Variants in C12orf75 observed in about 807,000 individuals in gnomAD.
C12orf75 encodes overexpressed in colon carcinoma 1 protein.
Under a neutral mutation model 11.4 loss-of-function variants are expected in C12orf75, and 4 were observed. That is an observed-to-expected ratio of 0.35 (90% CI 0.17 to 0.80). The LOEUF (loss-of-function observed/expected upper bound fraction) is 0.80. C12orf75 is among the 30% of genes least tolerant of loss of function. C12orf75 has a pLI of 0.52. For missense variants in C12orf75, 89 were observed against 80.4 expected, an observed-to-expected ratio of 1.11 and a Z score of -0.41; for synonymous variants, 30 against 30.0, an observed-to-expected ratio of 1.00 and a Z score of 0.00.
intron 2 of C12orf75, among the ~76,000 whole-genome samples, chr12:105,364,656 T>A (rs911952871): frequency 7.2e-5 from 11 of 152,184 alleles, no homozygotes; most frequent in Admixed American, 1.3e-4. Context: ...TGCAGTCTGC[T>A]TTTTGCTCAA....
intron 2 of C12orf75, among the ~76,000 whole-genome samples, chr12:105,363,379 T>C (rs998910057): frequency 1.2e-4 from 19 of 152,316 alleles, no homozygotes; most frequent in Middle Eastern, 3.4e-3. Flanking sequence ...GACAGTCTTA[T>C]ACATGGGAGT....
intron 1 of C12orf75, among the ~76,000 whole-genome samples, chr12:105,335,636 T>A (rs1566135197): frequency 6.6e-6 from 1 of 151,948 alleles, no homozygotes; most frequent in African/African-American, 2.4e-5. Flanking sequence ...GGCTGTATCC[T>A]CAGCCTCTAG....
chr12:105,366,061 G>A (rs1230182040), intron 3 of C12orf75: 3 of 556,620 alleles, frequency 5.4e-6, no homozygotes, highest in African/African-American at 1.9e-5. Flanking sequence ...TGCATGTGGC[G>A]TGTGCTAATT....
chr12:105,345,468 TG>T (rs1892627063), intron 1 of C12orf75, among the ~76,000 whole-genome samples: 1 of 151,470 alleles, frequency 6.6e-6, no homozygotes, highest in Non-Finnish European at 1.5e-5. Flanking sequence ...CCAGCCTGGG[TG>T]GCAGCATAAG....
intron 5 of C12orf75, among the ~76,000 whole-genome samples, chr12:105,369,450 T>C (rs1592887143): frequency 6.6e-6 from 1 of 152,224 alleles, no homozygotes; most frequent in East Asian, 1.9e-4. Context: ...CTTATTTTTA[T>C]TTTTATTTTA....
intron 2 of C12orf75, among the ~76,000 whole-genome samples, chr12:105,350,717 T>C (rs1420319020): frequency 1.3e-5 from 2 of 152,228 alleles, no homozygotes; most frequent in East Asian, 3.8e-4. Context: ...TTACCCATTT[T>C]ATTGTGCTCT....
intron 2 of C12orf75, among the ~76,000 whole-genome samples, chr12:105,358,363 A>C (rs1892814115): frequency 6.6e-6 from 1 of 152,080 alleles, no homozygotes; most frequent in Admixed American, 6.5e-5. Context: ...AAAACCAAAA[A>C]ACATATATGT....
At position 105,342,815 on chromosome 12, in the gene C12orf75, A is replaced by G. The variant is rs78481958; in HGVS notation, c.47-5787A>G. On this transcript the variant is annotated intron_variant, in intron 1 of 5. Transcript: ENST00000443585. ...TCTGTGCCAGGAACCAGGGGCAAAG[A>G]CCAAATATCTTATGATGAAACTGCA... 8.7e-3 allele frequency among the ~76,000 whole-genome samples: 1,319 copies of G among 152,358 alleles called. 11 individuals are homozygous for G. Among genetic ancestry groups the G allele is most frequent in the Non-Finnish European group, 0.016 (1,085 of 68,022 alleles).
In C12orf75 at chr12:105,337,574, G is replaced by C. The variant is rs182271696; in HGVS notation, c.46+6637G>C. On this transcript the variant is annotated intron_variant, in intron 1 of 5. Coordinates refer to ENST00000443585, the MANE Select transcript of C12orf75 (RefSeq NM_001145199.2). ...GCAGTAAAGTCAGTTCCCAGGAAAGGGTTGGTTCTCAGAACCAGGTGGCAT... is the reference window on the plus strand; with the variant it reads ...GCAGTAAAGTCAGTTCCCAGGAAAGCGTTGGTTCTCAGAACCAGGTGGCAT... Among the ~76,000 whole-genome samples, 13 of 152,222 alleles carry C rather than the reference G, an allele frequency of 8.5e-5. No individual in the cohort carries two copies. In the East Asian group the frequency reaches 1.9e-3, roughly 23 times the overall value.
intron 1 of C12orf75, among the ~76,000 whole-genome samples, chr12:105,334,200 G>A (rs1023567790): frequency 6.6e-6 from 1 of 152,166 alleles, no homozygotes; most frequent in Non-Finnish European, 1.5e-5. Flanking sequence ...CTTACACATC[G>A]TCCACCCCTA....
intron 2 of C12orf75, among the ~76,000 whole-genome samples, chr12:105,348,872 A>C (rs1892675124): frequency 6.6e-6 from 1 of 152,102 alleles, no homozygotes; most frequent in South Asian, 2.1e-4. Flanking sequence ...GAAATGTTGA[A>C]TTGTGTTTTC....
At chr12:105,365,038 T>C (rs552394949) in intron 2 of C12orf75, among the ~76,000 whole-genome samples, 1 of 152,108 alleles carries the variant, frequency 6.6e-6, no homozygotes, top group East Asian at 1.9e-4. Context: ...GGTTTCAGCA[T>C]GTTGGCCAAG....
intron 2 of C12orf75, among the ~76,000 whole-genome samples, chr12:105,349,391 C>G (rs886241901): frequency 6.6e-6 from 1 of 152,188 alleles, no homozygotes; most frequent in African/African-American, 2.4e-5. Flanking sequence ...CTGGGGAGAG[C>G]AGGGCAGCCA....
At chr12:105,342,464 G>T (rs995177023) in intron 1 of C12orf75, among the ~76,000 whole-genome samples, 4 of 152,206 alleles carry the variant, frequency 2.6e-5, no homozygotes, top group Admixed American at 2.6e-4. Context: ...CCAGCCTCTA[G>T]ACTGTAAGAA....
At chr12:105,351,106 G>A (rs532106840) in intron 2 of C12orf75, among the ~76,000 whole-genome samples, 15 of 152,212 alleles carry the variant, frequency 9.9e-5, no homozygotes, top group South Asian at 4.1e-4. Flanking sequence ...ATTCAGGCAC[G>A]TTCAATTTTT....
At chr12:105,367,028 A>G (rs1209460999) in intron 4 of C12orf75, among the ~76,000 whole-genome samples, 1 of 152,246 alleles carries the variant, frequency 6.6e-6, no homozygotes, top group Non-Finnish European at 1.5e-5. Flanking sequence ...AATTTCTGTA[A>G]TATAAGATGA....
At chr12:105,360,663 AT>A (rs1451233487) in intron 2 of C12orf75, among the ~76,000 whole-genome samples, 1 of 152,128 alleles carries the variant, frequency 6.6e-6, no homozygotes, top group African/African-American at 2.4e-5. Context: ...TACAATTTTT[AT>A]TTTTTGAGAC....
chr12:105,332,182 A>G (rs1892437413), intron 1 of C12orf75, among the ~76,000 whole-genome samples: 1 of 152,108 alleles, frequency 6.6e-6, no homozygotes, highest in African/African-American at 2.4e-5. Context: ...CTTGTATGAA[A>G]CAATGTCAGG....
chr12:105,365,950 T>G (rs987489688), intron 3 of C12orf75, 108 bp downstream of exon 3: 5 of 790,304 alleles, frequency 6.3e-6, no homozygotes, highest in Middle Eastern at 2.2e-4. Flanking sequence ...CCAGGAAAAC[T>G]GTTGGCACAG....
Sources: allele counts gnomAD v4.1 joint callset (sites outside exome capture counted in the v4.1 genomes callset), GRCh38; gene constraint gnomAD v4.1.1; transcripts MANE v1.5; gene names NCBI Gene and HGNC (gene_info 2026-07-23, HGNC 2026-07-21).